The following RBFOX1 variants were observed in gnomAD, a reference collection of about 807,000 sequenced individuals.
RBFOX1 encodes the protein RNA binding fox-1 homolog 1.
In RBFOX1, 8 loss-of-function variants were observed where a neutral mutation model predicts 57.7. That is an observed-to-expected ratio of 0.14 (90% CI 0.08 to 0.25). The LOEUF (loss-of-function observed/expected upper bound fraction) is 0.25. Among genes scored for constraint, RBFOX1 ranks in the 10% least tolerant of loss-of-function variants. The probability of loss-of-function intolerance (pLI) is 1.00; values close to 1 mark genes in which losing one functional copy is unlikely to be tolerated. For missense variants in RBFOX1, 611 were observed against 548.5 expected (o/e 1.11, Z -1.14); for synonymous variants, 326 against 222.4 (o/e 1.47, Z -4.15).
intron 1 of RBFOX1, among the ~76,000 whole-genome samples, chr16:6,303,652 C>T (rs1450213512): frequency 6.6e-6 from 1 of 151,964 alleles, no homozygotes; most frequent in African/African-American, 2.4e-5. Context: ...TGGAAAGCTA[C>T]TTTTCATTGA....
chr16:5,515,460 T>C (rs79958568), intron 2 of RBFOX1, among the ~76,000 whole-genome samples: 1 of 152,158 alleles, frequency 6.6e-6, no homozygotes, highest in Non-Finnish European at 1.5e-5. Context: ...CCAGGAGCCT[T>C]CTATCTTATT....
At chr16:7,406,588 T>C (rs995680185) in intron 4 of RBFOX1, among the ~76,000 whole-genome samples, 1 of 152,176 alleles carries the variant, frequency 6.6e-6, no homozygotes, top group Non-Finnish European at 1.5e-5. Flanking sequence ...ATACAAACTT[T>C]CCGGAATCCA....
intron 11 of RBFOX1, 32 bp from the exon 12 acceptor site, chr16:7,653,783 G>GCTCT (rs3217052): frequency 0.062 from 93,159 of 1,496,114 alleles, 1,659 homozygotes; most frequent in Admixed American, 0.19. Flanking sequence ...GACAGCCTGT[G>GCTCT]CTCTCTCTCT....
chr16:7,116,673 G>A (rs540379715), intron 4 of RBFOX1, among the ~76,000 whole-genome samples: 12 of 152,322 alleles, frequency 7.9e-5, no homozygotes, highest in Admixed American at 2.6e-4. Flanking sequence ...TGGAATGCCA[G>A]TGAAGCTACC....
At chr16:7,703,618 A>G (rs2081473128) in intron 14 of RBFOX1, among the ~76,000 whole-genome samples, 1 of 152,204 alleles carries the variant, frequency 6.6e-6, no homozygotes, top group Admixed American at 6.5e-5. Flanking sequence ...GAGTACCAAC[A>G]TGGGCCCATT....
intron 3 of RBFOX1, among the ~76,000 whole-genome samples, chr16:5,771,800 T>A (rs1400379634): frequency 6.6e-6 from 1 of 152,224 alleles, no homozygotes; most frequent in Admixed American, 6.5e-5. Context: ...TGTTTGTGTG[T>A]GTGCATGTGT....
At position 5,842,470 on chromosome 16, in the gene RBFOX1, C is replaced by T. The variant is rs571743934; in HGVS notation, c.319-24833C>T. ...CATTTGTAGGCAAGCATGTATTAAG[C>T]ACCTACTGCATGCCTGCCACTGTGT... is the stretch of plus-strand genomic sequence containing the variant. On this transcript the variant is annotated intron_variant, in intron 3 of 19. Coordinates refer to the RBFOX1 transcript ENST00000641259. Among the ~76,000 whole-genome samples the T allele has an allele frequency of 5.7e-3, 875 of 152,298 alleles. 2 individuals are homozygous for T. The highest frequency in any genetic ancestry group is 9.1e-3 in the Admixed American group (139 of 15,296).
chr16:6,237,568 C>A (rs904429317), intron 1 of RBFOX1, among the ~76,000 whole-genome samples: 2 of 151,960 alleles, frequency 1.3e-5, no homozygotes, highest in Admixed American at 1.3e-4. Context: ...ATGGTGAAAC[C>A]TCGTCTTTAC....
At chr16:7,398,878 C>T (rs554046972) in intron 4 of RBFOX1, among the ~76,000 whole-genome samples, 5 of 152,288 alleles carry the variant, frequency 3.3e-5, no homozygotes, top group South Asian at 4.1e-4. Context: ...AGAGGGTTCC[C>T]TATTCATTCA....
chr16:5,492,065 G>A (rs752662649), intron 2 of RBFOX1, among the ~76,000 whole-genome samples: 10 of 152,174 alleles, frequency 6.6e-5, no homozygotes, highest in Non-Finnish European at 1.2e-4. Context: ...TGTTGGAACT[G>A]CACACTCTCG....
intron 15 of RBFOX1, 60 bp downstream of exon 15, chr16:7,709,191 G>A (rs934184491): frequency 1.3e-6 from 2 of 1,487,260 alleles, no homozygotes; most frequent in South Asian, 1.2e-5. Flanking sequence ...TTCCCCAGCT[G>A]GGACCTCAGT....
intron 2 of RBFOX1, among the ~76,000 whole-genome samples, chr16:6,482,219 T>G (rs933622774): frequency 6.6e-5 from 10 of 152,200 alleles, no homozygotes; most frequent in Admixed American, 6.5e-4. Context: ...AGGAGGGATA[T>G]ATGTATATTA....
At chr16:6,802,119 A>T (rs1056365381) in intron 3 of RBFOX1, among the ~76,000 whole-genome samples, 1 of 152,044 alleles carries the variant, frequency 6.6e-6, no homozygotes, top group Non-Finnish European at 1.5e-5. Flanking sequence ...GAAATCCTTC[A>T]GTATCTTGTC....
rs144479952 is a variant in RBFOX1 at position 7,414,861 on chromosome 16, G to A, written c.28-103286G>A. Among the ~76,000 whole-genome samples the A allele has an allele frequency of 8.9e-4, 136 of 152,248 alleles. 3 individuals are homozygous for A. The South Asian group carries it at 0.026, about 29-fold the overall frequency. On this transcript the variant is annotated intron_variant, in intron 4 of 15. Coordinates refer to ENST00000550418, the MANE Select transcript of RBFOX1 (RefSeq NM_018723.4). Reference sequence around the variant, plus strand: ...TTGAACTCCTGACCTCAGGTGATCCGTTTCCTTCAGCCTTCTAAAATGCTG... The same window carrying A: ...TTGAACTCCTGACCTCAGGTGATCCATTTCCTTCAGCCTTCTAAAATGCTG...
intron 3 of RBFOX1, among the ~76,000 whole-genome samples, chr16:6,795,681 G>T (rs567065241): frequency 4.5e-4 from 68 of 151,558 alleles, no homozygotes; most frequent in Non-Finnish European, 5.9e-4. Context: ...CAGGAGAATC[G>T]CTTGAAACCA....
intron 2 of RBFOX1, among the ~76,000 whole-genome samples, chr16:6,547,963 C>G (rs915174471): frequency 2.0e-5 from 3 of 152,148 alleles, no homozygotes; most frequent in African/African-American, 7.2e-5. Flanking sequence ...GTAGAGAAGA[C>G]CTATGACAAT....
chr16:7,670,499 A>C (rs879143488), intron 13 of RBFOX1, among the ~76,000 whole-genome samples: 1 of 152,206 alleles, frequency 6.6e-6, no homozygotes, highest in African/African-American at 2.4e-5. Flanking sequence ...GTACGGTGAA[A>C]GATGGGAAAG....
intron 3 of RBFOX1, among the ~76,000 whole-genome samples, chr16:6,803,900 A>C (rs1205504948): frequency 6.6e-6 from 1 of 152,198 alleles, no homozygotes; most frequent in Non-Finnish European, 1.5e-5. Context: ...GCTGAAATGT[A>C]AGCTTTTACC....
intron 1 of RBFOX1, among the ~76,000 whole-genome samples, chr16:6,059,829 C>A (rs1239303194): frequency 4.6e-5 from 7 of 152,112 alleles, no homozygotes; most frequent in Non-Finnish European, 2.9e-5. Flanking sequence ...ACTTAAAGAG[C>A]ATTTAGCCAT....
Sources: gnomAD v4.1 joint callset for allele counts (sites outside exome capture counted in the v4.1 genomes callset) on GRCh38, gnomAD v4.1.1 for gene constraint, MANE v1.5 for transcripts, NCBI Gene and HGNC (gene_info 2026-07-23, HGNC 2026-07-21) for gene names.